The following DST variants were observed in gnomAD, a reference collection of about 807,000 sequenced individuals.
The protein encoded by DST is bullous pemphigoid antigen.
In DST, 253 loss-of-function variants were observed where a neutral mutation model predicts 875.2. That is an observed-to-expected ratio of 0.29 (90% CI 0.26 to 0.32). The LOEUF (loss-of-function observed/expected upper bound fraction) is 0.32, where lower values mean the gene tolerates loss of function less well. Among genes scored for constraint, DST ranks in the 10% least tolerant of loss-of-function variants. The pLI, the probability that DST is intolerant of heterozygous loss-of-function variation, is 1.00. For synonymous variants in DST, 3,124 were observed against 3,197.1 expected, an observed-to-expected ratio of 0.98 and a Z score of 0.77; for missense variants, 8,287 against 9,111.6, an observed-to-expected ratio of 0.91 and a Z score of 3.68.
At chr6:56,853,258 G>T (rs1318733800) in intron 3 of DST, among the ~76,000 whole-genome samples, 2 of 152,036 alleles carry the variant, frequency 1.3e-5, no homozygotes, top group African/African-American at 4.8e-5. Flanking sequence ...CAAACTTGAG[G>T]CAAAAAGTAA....
chr6:56,503,922 T>C, intron 78 of DST, 75 bp downstream of exon 78: 4 of 1,009,764 alleles, frequency 4.0e-6, no homozygotes, highest in South Asian at 1.7e-5. Flanking sequence ...GTAAAATAAA[T>C]TTATGTACAA....
chr6:56,619,583 T>C lies in DST; in HGVS notation c.4929+4947A>G, dbSNP rs2098666742. On this transcript the variant is annotated intron_variant, in intron 36 of 103. Coordinates refer to ENST00000680361, the MANE Select transcript of DST (RefSeq NM_001374736.1). ...CCTTGTGATTCTGTCTACTTCTCTT[T>C]GTAGTTTCCCTTTTTCATGATTAAG... 2 of 1,614,024 alleles carry C rather than the reference T, an allele frequency of 1.2e-6. No homozygotes were observed. The highest frequency in any genetic ancestry group is 8.5e-7 in the Non-Finnish European group (1 of 1,180,018).
intron 4 of DST, among the ~76,000 whole-genome samples, chr6:56,755,060 G>A (rs1392686633): frequency 6.6e-6 from 1 of 150,892 alleles, no homozygotes; most frequent in Non-Finnish European, 1.5e-5. Flanking sequence ...ACCAGAAAAT[G>A]TATGAAATGT....
chr6:56,645,749 AG>A, intron 15 of DST, 116 bp downstream of exon 15: 1 of 1,210,160 alleles, frequency 8.3e-7, no homozygotes, highest in Non-Finnish European at 1.2e-6. Context: ...GAGGATCAAA[AG>A]GATTAAGAGA....
In DST at chr6:56,459,037, C is replaced by T. The variant is rs2094188733; in HGVS notation, c.23425G>A (p.Ala7809Thr). Residue 7809 changes from alanine (A) to threonine (T), a missense_variant, in exon 104 of 104, where the codon GCC (alanine) becomes ACC (threonine). By Grantham distance (58) the Ala-to-Thr change is moderately conservative. This residue lies in a region of DST where 240 missense variants were observed against 237.3 expected (regional missense o/e 1.01). Transcript: ENST00000680361. ...TTTGAGGACTTGTCCAATTTGCTGG[C>T]AGGTGATTTCCTCTGGGGCGTGGGG... is the stretch of plus-strand genomic sequence containing the variant. Reference protein sequence around the residue: ...KIPTPQRKSPASKLDKSSKR With the variant: ...KIPTPQRKSPTSKLDKSSKR 2 of 1,612,164 alleles carry T rather than the reference C, an allele frequency of 1.2e-6. No individual in the cohort carries two copies. The highest frequency in any genetic ancestry group is 1.7e-5 in the Admixed American group (1 of 59,944).
rs769686284 is a variant in DST, at chr6:56,482,127, C to T, written c.21454G>A (p.Ala7152Thr). The change falls in exon 90 of 104, where the codon GCG becomes ACG. Residue 7152 changes from alanine (A) to threonine (T), a missense_variant. Around this residue, in one of 10 missense-constraint regions of DST, gnomAD observed 1,292 missense variants for 1,552.7 expected, o/e 0.83. Transcript: ENST00000680361. ...VHALLEWLAE[A>T]EQTLRFHGVL... ...CCATGGAAACGCAGGGTTTGCTCCG[C>T]CTCAGCCAGCCACTCCAAGAGGGCA... The T allele has an allele frequency of 1.2e-6, 2 of 1,613,570 alleles. No individual in the cohort carries two copies. Among genetic ancestry groups the T allele is most frequent in the African/African-American group, 2.7e-5 (2 of 74,890 alleles).
At chr6:56,464,321 T>C (rs925762982) in intron 100 of DST, 9 of 287,992 alleles carry the variant, frequency 3.1e-5, no homozygotes, top group South Asian at 2.2e-4. Flanking sequence ...CTAGTATTTT[T>C]ATTTTATGCC....
intron 4 of DST, among the ~76,000 whole-genome samples, chr6:56,778,442 T>C (rs571478035): frequency 6.6e-6 from 1 of 151,544 alleles, no homozygotes; most frequent in Non-Finnish European, 1.5e-5. Flanking sequence ...TGCAGGTTAG[T>C]TACATATGTA....
chr6:56,736,012 C>G (rs901241732), intron 4 of DST, among the ~76,000 whole-genome samples: 3 of 151,474 alleles, frequency 2.0e-5, no homozygotes, highest in African/African-American at 7.3e-5. Flanking sequence ...GTATGCGCCA[C>G]CATACCCAGC....
chr6:56,577,799 A>G (rs370318477), intron 50 of DST, among the ~76,000 whole-genome samples: 3 of 152,340 alleles, frequency 2.0e-5, no homozygotes, highest in African/African-American at 4.8e-5. Flanking sequence ...CAAAAAATAC[A>G]TATGTAAGAT....
intron 36 of DST, chr6:56,616,654 C>G (rs151166466): frequency 6.2e-7 from 1 of 1,614,064 alleles, no homozygotes; most frequent in Non-Finnish European, 8.5e-7. Context: ...TCAACAACCC[C>G]TGCTGCAGAG....
chr6:56,706,472 A>G (rs2099338323), intron 5 of DST, among the ~76,000 whole-genome samples: 1 of 152,238 alleles, frequency 6.6e-6, no homozygotes, highest in African/African-American at 2.4e-5. Flanking sequence ...TCAATTTTCA[A>G]GGGCCTCTTC....
In DST at chr6:56,691,034, G is replaced by A. The variant is rs143342631; in HGVS notation, c.1047+8619C>T. Among the ~76,000 whole-genome samples the A allele has an allele frequency of 5.3e-5, 8 of 152,176 alleles. No individual in the cohort carries two copies. The South Asian group carries it at 1.0e-3, about 20-fold the overall frequency. ...ATATACATTGCATTACAGTTATTTCGCAAATCTGACTGGTCAGTTTATGAC... is the reference window on the plus strand; with the variant it reads ...ATATACATTGCATTACAGTTATTTCACAAATCTGACTGGTCAGTTTATGAC... On this transcript the variant is annotated intron_variant, in intron 9 of 103. Coordinates refer to ENST00000680361, the MANE Select transcript of DST (RefSeq NM_001374736.1).
chr6:56,537,499 G>A (rs915729788), intron 61 of DST, among the ~76,000 whole-genome samples: 2 of 152,132 alleles, frequency 1.3e-5, no homozygotes, highest in Admixed American at 1.3e-4. Context: ...TACAGAGATA[G>A]GAAAATGAAA....
intron 103 of DST, 146 bp downstream of exon 103, chr6:56,459,985 C>G (rs1246580663): frequency 3.1e-6 from 3 of 982,934 alleles, no homozygotes; most frequent in African/African-American, 1.6e-5. Flanking sequence ...TTATCCCCAA[C>G]TTTTGGAGGA....
In DST at chr6:56,634,933, C is replaced by T. The variant is rs771386126; in HGVS notation, c.3207G>A (p.Leu1069=). 2 of 1,612,936 alleles carry T rather than the reference C, an allele frequency of 1.2e-6. No homozygotes were observed. Among genetic ancestry groups the T allele is most frequent in the Admixed American group, 3.3e-5 (2 of 60,020 alleles). Residue 1069 remains leucine (L), a synonymous_variant, in exon 25 of 104, where the codon CTG becomes CTA. Coordinates refer to ENST00000680361, the MANE Select transcript of DST (RefSeq NM_001374736.1). ...QESMEEKEEL[L]QYKSTIANLM... ...GGTTTGCTATAGTGCTTTTGTACTG[C>T]AGAAGTTCTTCTTTCTCTTCCTAAG...
chr6:56,458,753 G>A lies in DST; in HGVS notation c.*252C>T. On this transcript the variant is annotated 3_prime_UTR_variant, in exon 104 of 104. Transcript: ENST00000680361. ...AGTAACTGAGTTTAGTGTGTGCCCG[G>A]CACGTTACAGTGCAGAAATGTTAGT... 1 of 333,242 alleles carries A rather than the reference G, an allele frequency of 3.0e-6. No homozygotes were observed. The highest frequency in any genetic ancestry group is 5.4e-6 in the Non-Finnish European group (1 of 185,492). The allele number at this position is 333,242 out of a possible 1,614,324, so 20.6% of individuals were successfully genotyped here.
intron 26 of DST, 38 bp downstream of exon 26, chr6:56,634,424 C>G (rs1379323281): frequency 1.2e-6 from 2 of 1,612,194 alleles, no homozygotes; most frequent in Non-Finnish European, 1.7e-6. Context: ...AGAGGGCCCC[C>G]AAAACTAGCT....
At chr6:56,554,652 T>C (rs1020250074) in intron 60 of DST, among the ~76,000 whole-genome samples, 44 of 152,252 alleles carry the variant, frequency 2.9e-4, no homozygotes, top group African/African-American at 1.0e-3. Flanking sequence ...ATATTTACTA[T>C]TGTTAATGTC....
Sources: allele counts gnomAD v4.1 joint callset (sites outside exome capture counted in the v4.1 genomes callset), GRCh38; gene constraint gnomAD v4.1.1; regional missense constraint gnomAD v4.1.1; transcripts MANE v1.5; gene names NCBI Gene and HGNC (gene_info 2026-07-23, HGNC 2026-07-21).